Variants in DIP2C observed in about 807,000 individuals in gnomAD.
DIP2C encodes the protein DIP2 acetate--CoA ligase C (putative).
In DIP2C, 33 loss-of-function variants were observed where a neutral mutation model predicts 192.4. The ratio of observed to expected loss-of-function variants is 0.17; its 90% CI spans 0.13 to 0.23. DIP2C has a LOEUF of 0.23. Among genes scored for constraint, DIP2C ranks in the 10% least tolerant of loss-of-function variants. DIP2C has a pLI of 1.00. For synonymous variants in DIP2C, 979 were observed against 864.1 expected (o/e 1.13, Z -2.33); for missense variants, 1,537 against 2,110.1 (o/e 0.73, Z 5.32).
intron 24 of DIP2C, 154 bp downstream of exon 24, chr10:356,272 T>G: frequency 1.2e-6 from 1 of 824,744 alleles, no homozygotes; most frequent in South Asian, 1.4e-5. Flanking sequence ...AAACAATCCC[T>G]AGGTACAAAA....
At chr10:324,629 T>C (rs1957179886) in intron 31 of DIP2C, 1 of 198,200 alleles carries the variant, frequency 5.0e-6, no homozygotes, top group African/African-American at 2.3e-5. Flanking sequence ...AATAACGCCA[T>C]GACCCATGAT....
In DIP2C at chr10:402,282, T is replaced by C. The variant is rs1356435719; in HGVS notation, c.1150-3063A>G. Among the ~76,000 whole-genome samples the C allele has an allele frequency of 3.3e-4, 5 of 15,156 alleles. 1 individual carries two copies. The highest frequency in any genetic ancestry group is 1.7e-3 in the Non-Finnish European group (1 of 588). The allele number at this position is 15,156 out of a possible 152,430, so 9.9% of individuals were successfully genotyped here. A position where few individuals can be genotyped will look rare whatever the true frequency, so the allele number is the denominator to read the frequency against. ...CTCTTCCTTATGGACAAGTTTGGTATGTGTTCATCAGCACATGAATCATGT... is the reference window on the plus strand; with the variant it reads ...CTCTTCCTTATGGACAAGTTTGGTACGTGTTCATCAGCACATGAATCATGT... On this transcript the variant is annotated intron_variant, in intron 9 of 36. Transcript: ENST00000280886.
At chr10:655,415 T>C (rs559543912) in intron 1 of DIP2C, among the ~76,000 whole-genome samples, 4 of 152,276 alleles carry the variant, frequency 2.6e-5, no homozygotes, top group African/African-American at 7.2e-5. Context: ...TATGCGACTC[T>C]ACTATTCCAC....
At chr10:431,458 A>G (rs1966854943) in intron 4 of DIP2C, among the ~76,000 whole-genome samples, 1 of 151,926 alleles carries the variant, frequency 6.6e-6, no homozygotes, top group Non-Finnish European at 1.5e-5. Context: ...TTTTTAAATT[A>G]TTATTTTTAG....
chr10:447,301 G>GCA (rs1196318257), intron 3 of DIP2C, among the ~76,000 whole-genome samples: 1 of 148,910 alleles, frequency 6.7e-6, no homozygotes, highest in Non-Finnish European at 1.5e-5. Context: ...ACACAGTGGG[G>GCA]CAGCAGGACC....
rs142627396 is a variant in DIP2C at position 540,283 on chromosome 10, G to A, written c.86-53753C>T. Among the ~76,000 whole-genome samples, 42 of 152,378 alleles carry A rather than the reference G, an allele frequency of 2.8e-4. 1 individual carries two copies. In the East Asian group the frequency reaches 7.7e-3, roughly 28 times the overall value. On this transcript the variant is annotated intron_variant, in intron 1 of 36. Coordinates refer to ENST00000280886, the MANE Select transcript of DIP2C (RefSeq NM_014974.3). ...AACTTTCAAGGAGACCAAGTTCAGA[G>A]CTGTCACAACGCAGCACCATCCTCA...
intron 4 of DIP2C, among the ~76,000 whole-genome samples, chr10:424,591 C>A (rs993588093): frequency 8.5e-5 from 13 of 152,114 alleles, no homozygotes; most frequent in African/African-American, 2.9e-4. Flanking sequence ...GTCTCGAACT[C>A]CTGACCTCGT....
intron 1 of DIP2C, among the ~76,000 whole-genome samples, chr10:507,758 C>T (rs1294744100): frequency 6.6e-6 from 1 of 152,182 alleles, no homozygotes; most frequent in East Asian, 1.9e-4. Flanking sequence ...AAGGTTAGAG[C>T]ATTCCAGCCC....
chr10:574,991 G>A (rs1041794223), intron 1 of DIP2C, among the ~76,000 whole-genome samples: 3 of 152,158 alleles, frequency 2.0e-5, no homozygotes, highest in African/African-American at 4.8e-5. Flanking sequence ...CCACGAGACA[G>A]CAGAGGGAAG....
chr10:657,694 A>C (rs1355754952), intron 1 of DIP2C, among the ~76,000 whole-genome samples: 81 of 52,688 alleles, frequency 1.5e-3, no homozygotes, highest in East Asian at 1.7e-3. Context: ...GCTGGACCTG[A>C]CACTGGACCT....
At chr10:512,125 A>G (rs816581) in intron 1 of DIP2C, among the ~76,000 whole-genome samples, 151,684 of 152,364 alleles carry the variant, frequency 1, 75,505 homozygotes, top group East Asian at 1. Flanking sequence ...CTTCCTAAGC[A>G]ATGTCGTGTT....
intron 36 of DIP2C, 137 bp downstream of exon 36, chr10:281,063 G>A: frequency 8.0e-7 from 1 of 1,257,284 alleles, no homozygotes; most frequent in Non-Finnish European, 1.1e-6. Context: ...AAAAGATAAA[G>A]ATTTATAGTC....
chr10:388,830 G>T (rs1344521647), intron 13 of DIP2C, among the ~76,000 whole-genome samples: 1 of 152,242 alleles, frequency 6.6e-6, no homozygotes, highest in African/African-American at 2.4e-5. Flanking sequence ...CGCCAGGCAG[G>T]GGTGCACGCC....
Position 422,974 on chromosome 10 carries a change from T to C in DIP2C, c.454A>G (p.Thr152Ala). ...SVQGDSQGTP[T>A]SSQGSINMEH... is the part of the protein sequence containing the mutation. Reference sequence around the variant, plus strand: ...ATATTGATGCTGCCCTGGCTGGAGGTGGGGGTGCCCTGGGAGTCCCCCTGC... The same window carrying C: ...ATATTGATGCTGCCCTGGCTGGAGGCGGGGGTGCCCTGGGAGTCCCCCTGC... Residue 152 changes from threonine to alanine, a missense_variant, in exon 5 of 37, where the codon ACC becomes GCC. Around this residue, in one of 4 missense-constraint regions of DIP2C, gnomAD observed 473 missense variants for 539.6 expected, o/e 0.88. Coordinates refer to ENST00000280886, the MANE Select transcript of DIP2C (RefSeq NM_014974.3). 6.2e-7 allele frequency: 1 copy of C among 1,614,110 alleles called. No homozygotes were observed. The highest frequency in any genetic ancestry group is 8.5e-7 in the Non-Finnish European group (1 of 1,179,994).
chr10:420,579 C>T (rs1325480590), intron 5 of DIP2C, among the ~76,000 whole-genome samples: 1 of 152,168 alleles, frequency 6.6e-6, no homozygotes, highest in South Asian at 2.1e-4. Flanking sequence ...GGTGTGAAAA[C>T]GCTGGACACA....
chr10:606,251 G>A (rs1852460887), intron 1 of DIP2C, among the ~76,000 whole-genome samples: 3 of 152,164 alleles, frequency 2.0e-5, no homozygotes, highest in Admixed American at 6.5e-5. Context: ...CCCCCCAGAG[G>A]ACCACTGAGG....
At chr10:629,675 G>T (rs34732262) in intron 1 of DIP2C, among the ~76,000 whole-genome samples, 1 of 151,808 alleles carries the variant, frequency 6.6e-6, no homozygotes, top group Admixed American at 6.6e-5. Flanking sequence ...GCTTTAACCC[G>T]CGCTGGGGGA....
intron 4 of DIP2C, among the ~76,000 whole-genome samples, chr10:438,414 A>G (rs1406845663): frequency 3.9e-5 from 6 of 152,266 alleles, no homozygotes; most frequent in Non-Finnish European, 8.8e-5. Context: ...TGTTAGTTAC[A>G]CAAAGAACAC....
chr10:476,228 T>C (rs1397405006), intron 2 of DIP2C, among the ~76,000 whole-genome samples: 4 of 152,056 alleles, frequency 2.6e-5, no homozygotes, highest in African/African-American at 9.7e-5. Flanking sequence ...ACGGCCGAGA[T>C]GGAGATGAGG....
Sources: gnomAD v4.1 joint callset for allele counts (sites outside exome capture counted in the v4.1 genomes callset) on GRCh38, gnomAD v4.1.1 for gene constraint, gnomAD v4.1.1 regional missense constraint, MANE v1.5 for transcripts, NCBI Gene and HGNC (gene_info 2026-07-23, HGNC 2026-07-21) for gene names.